PRKN: variants seen among roughly 807,000 people sequenced by gnomAD.
PRKN encodes E3 ubiquitin-protein ligase parkin.
A neutral mutation model predicts 59.5 loss-of-function variants in PRKN; 56 were observed. That is an observed-to-expected ratio of 0.94 (90% CI 0.76 to 1.18). The LOEUF is 1.18. Among genes scored for constraint, PRKN ranks in the 50% most tolerant of loss-of-function variants. The pLI, the probability that PRKN is intolerant of heterozygous loss-of-function variation, is 0.00. For synonymous variants in PRKN, 250 were observed against 222.1 expected (o/e 1.13, Z -1.12); for missense variants, 657 against 596.4 (o/e 1.10, Z -1.06).
chr6:162,425,546 T>A (rs962857325), intron 2 of PRKN, among the ~76,000 whole-genome samples: 1 of 152,114 alleles, frequency 6.6e-6, no homozygotes, highest in Admixed American at 6.5e-5. Context: ...GGCAGTGACA[T>A]TGGAAAAAGA....
At chr6:162,646,657 CATT>C (rs1778198546) in intron 1 of PRKN, among the ~76,000 whole-genome samples, 1 of 152,078 alleles carries the variant, frequency 6.6e-6, no homozygotes, top group Non-Finnish European at 1.5e-5. Flanking sequence ...AGAAATGTGT[CATT>C]AGGTGATTTC....
intron 1 of PRKN, among the ~76,000 whole-genome samples, chr6:162,459,843 G>A (rs1341043574): frequency 1.3e-5 from 2 of 152,138 alleles, no homozygotes; most frequent in Non-Finnish European, 2.9e-5. Flanking sequence ...GCTCTAGTTG[G>A]AAATATTTGT....
intron 7 of PRKN, among the ~76,000 whole-genome samples, chr6:161,616,055 C>T (rs769821516): frequency 6.0e-4 from 91 of 152,150 alleles, no homozygotes; most frequent in Non-Finnish European, 1.1e-3. Flanking sequence ...AGCCCTCCTC[C>T]TAGCTACCAC....
chr6:161,908,902 C>T (rs768975300), intron 6 of PRKN, among the ~76,000 whole-genome samples: 29 of 152,144 alleles, frequency 1.9e-4, no homozygotes, highest in Non-Finnish European at 3.1e-4. Flanking sequence ...TGTGTTTTGA[C>T]GTCCAAATGT....
At chr6:161,714,459 G>A (rs998253701) in intron 7 of PRKN, among the ~76,000 whole-genome samples, 2 of 152,216 alleles carry the variant, frequency 1.3e-5, no homozygotes, top group Non-Finnish European at 2.9e-5. Context: ...GTGTCATCGT[G>A]CAAGCAGAGA....
At chr6:162,065,779 T>A (rs147049835) in intron 4 of PRKN, among the ~76,000 whole-genome samples, 29 of 152,214 alleles carry the variant, frequency 1.9e-4, no homozygotes, top group African/African-American at 6.5e-4. Flanking sequence ...GTCCAAGTCA[T>A]CTCATTGTTC....
intron 7 of PRKN, among the ~76,000 whole-genome samples, chr6:161,639,886 T>G (rs1456240119): frequency 1.3e-5 from 2 of 152,222 alleles, no homozygotes; most frequent in Non-Finnish European, 2.9e-5. Context: ...AATTCTGCTC[T>G]GTGGGGGACT....
chr6:162,530,822 C>T (rs374770039), intron 1 of PRKN, among the ~76,000 whole-genome samples: 1 of 152,032 alleles, frequency 6.6e-6, no homozygotes, highest in African/African-American at 2.4e-5. Flanking sequence ...TTTGGGAAGC[C>T]GAGGTGGGTG....
At chr6:162,337,197 T>G (rs1396158639) in intron 2 of PRKN, among the ~76,000 whole-genome samples, 1 of 152,186 alleles carries the variant, frequency 6.6e-6, no homozygotes, top group African/African-American at 2.4e-5. Context: ...AACCATTTAG[T>G]ATGAATCTGC....
chr6:161,541,589 G>A (rs1179196870), intron 9 of PRKN, among the ~76,000 whole-genome samples: 2 of 152,200 alleles, frequency 1.3e-5, no homozygotes, highest in African/African-American at 2.4e-5. Context: ...GGGAGGCTGA[G>A]GAGGGTGGAT....
At chr6:161,794,682 T>C (rs1310638368) in intron 6 of PRKN, among the ~76,000 whole-genome samples, 1 of 152,112 alleles carries the variant, frequency 6.6e-6, no homozygotes. Context: ...AGTCAGTCTC[T>C]TTGCTGCTTT....
intron 2 of PRKN, among the ~76,000 whole-genome samples, chr6:162,304,539 CT>C (rs755287502): frequency 1.7e-5 from 2 of 117,966 alleles, no homozygotes; most frequent in East Asian, 2.3e-4. Flanking sequence ...ATCTATCTAT[CT>C]ATCTATTTAT....
chr6:161,523,511 C>T (rs549530354), intron 9 of PRKN, among the ~76,000 whole-genome samples: 2 of 152,310 alleles, frequency 1.3e-5, no homozygotes, highest in South Asian at 2.1e-4. Flanking sequence ...AATTGCAATG[C>T]TTTTCATGGT....
intron 6 of PRKN, among the ~76,000 whole-genome samples, chr6:161,919,461 G>T (rs1778697761): frequency 6.6e-6 from 1 of 152,184 alleles, no homozygotes; most frequent in African/African-American, 2.4e-5. Flanking sequence ...TATTAGAAAT[G>T]ATCGAACTGG....
intron 6 of PRKN, among the ~76,000 whole-genome samples, chr6:161,788,909 T>C (rs903933647): frequency 2.0e-5 from 3 of 152,212 alleles, no homozygotes; most frequent in South Asian, 2.1e-4. Context: ...AGATAAATGA[T>C]AGATACAGAT....
At chr6:162,284,971 T>C (rs1781113923) in intron 2 of PRKN, among the ~76,000 whole-genome samples, 1 of 152,090 alleles carries the variant, frequency 6.6e-6, no homozygotes, top group Non-Finnish European at 1.5e-5. Flanking sequence ...GGGTCTTATC[T>C]AACATGAATG....
chr6:162,596,100 A>T (rs943467125), intron 1 of PRKN, among the ~76,000 whole-genome samples: 2 of 152,208 alleles, frequency 1.3e-5, no homozygotes, highest in Admixed American at 6.5e-5. Flanking sequence ...TCAAGACTGT[A>T]GACATCTCAA....
At chr6:162,569,727 G>C in intron 1 of PRKN, 3 of 548,628 alleles carry the variant, frequency 5.5e-6, no homozygotes. Flanking sequence ...CTTCCTAAGT[G>C]AACAGCTGCG....
chr6:161,978,032 T>C (rs1781119705), intron 5 of PRKN, among the ~76,000 whole-genome samples: 1 of 125,920 alleles, frequency 7.9e-6, no homozygotes, highest in African/African-American at 3.0e-5. Flanking sequence ...TATTTTATTG[T>C]ATTTTATTTT....
Sources: allele counts gnomAD v4.1 joint callset (sites outside exome capture counted in the v4.1 genomes callset), GRCh38; gene constraint gnomAD v4.1.1; transcripts MANE v1.5; gene names NCBI Gene and HGNC (gene_info 2026-07-23, HGNC 2026-07-21).